The following PARD3B variants were observed in gnomAD, a reference collection of about 807,000 sequenced individuals.
PARD3B encodes partitioning defective 3 homolog B.
Under a neutral mutation model 130.2 loss-of-function variants are expected in PARD3B, and 103 were observed. The ratio of observed to expected loss-of-function variants is 0.79; its 90% CI spans 0.67 to 0.93. The LOEUF is 0.93. Ranked by LOEUF, PARD3B falls within the 40% of genes least tolerant of loss-of-function variation. The pLI, the probability that PARD3B is intolerant of heterozygous loss-of-function variation, is 0.00. For missense variants in PARD3B, 1,609 were observed against 1,499.2 expected, an observed-to-expected ratio of 1.07 and a Z score of -1.21; for synonymous variants, 583 against 553.2, an observed-to-expected ratio of 1.05 and a Z score of -0.76.
At chr2:204,875,491 G>C (rs1339109994) in intron 2 of PARD3B, among the ~76,000 whole-genome samples, 2 of 152,114 alleles carry the variant, frequency 1.3e-5, no homozygotes, top group Admixed American at 6.6e-5. Flanking sequence ...TGCAGATTCT[G>C]ATTAGGTGGG....
chr2:204,938,073 A>G (rs1001894440), intron 2 of PARD3B, among the ~76,000 whole-genome samples: 60 of 152,170 alleles, frequency 3.9e-4, no homozygotes, highest in African/African-American at 1.3e-3. Flanking sequence ...TGCCAGAGGG[A>G]GATGAAAACC....
Position 204,887,161 on chromosome 2 carries a change from A to G in PARD3B, c.223-77991A>G, listed in dbSNP as rs1294649228. ...GAAGTTATCTGTTCAATTGAGATGAATGGTAATGGGATTATATTACTGTAA... is the reference window on the plus strand; with the variant it reads ...GAAGTTATCTGTTCAATTGAGATGAGTGGTAATGGGATTATATTACTGTAA... On this transcript the variant is annotated intron_variant, in intron 2 of 22. Transcript: ENST00000406610. The surrounding 1 kb of genome is among the most constrained non-coding windows in gnomAD (Gnocchi z 4.2). Among the ~76,000 whole-genome samples, 2 of 152,156 alleles carry G rather than the reference A, an allele frequency of 1.3e-5. No individual in the cohort carries two copies. The highest frequency in any genetic ancestry group is 2.9e-5 in the Non-Finnish European group (2 of 68,042).
intron 19 of PARD3B, among the ~76,000 whole-genome samples, chr2:205,418,659 G>T (rs904171688): frequency 1.3e-5 from 2 of 152,068 alleles, no homozygotes; most frequent in Middle Eastern, 3.2e-3. Flanking sequence ...AATTAGAAGA[G>T]ACTTTAAAAA....
intron 1 of PARD3B, among the ~76,000 whole-genome samples, chr2:204,629,515 T>C (rs560306025): frequency 6.6e-6 from 1 of 152,304 alleles, no homozygotes; most frequent in Admixed American, 6.5e-5. Flanking sequence ...GAATTATCTA[T>C]CAGTAGATTT....
chr2:204,966,616 G>A (rs1343351799), intron 3 of PARD3B, among the ~76,000 whole-genome samples: 1 of 152,302 alleles, frequency 6.6e-6, no homozygotes, highest in South Asian at 2.1e-4. Flanking sequence ...CCGAACCTCA[G>A]AGTACTTCTG....
At chr2:205,582,700 G>A (rs891030937) in intron 22 of PARD3B, among the ~76,000 whole-genome samples, 6 of 151,162 alleles carry the variant, frequency 4.0e-5, no homozygotes, top group Non-Finnish European at 7.4e-5. Context: ...GTCTAGGGAA[G>A]AGTGAGAGAG....
At chr2:205,480,754 A>G (rs1274002232) in intron 20 of PARD3B, among the ~76,000 whole-genome samples, 1 of 152,194 alleles carries the variant, frequency 6.6e-6, no homozygotes, top group African/African-American at 2.4e-5. Flanking sequence ...TGGAAGGCAG[A>G]CATGGAGAAG....
intron 1 of PARD3B, among the ~76,000 whole-genome samples, chr2:204,583,713 C>T (rs2032692586): frequency 6.6e-6 from 1 of 151,762 alleles, no homozygotes; most frequent in African/African-American, 2.4e-5. Context: ...CGTGAGAATC[C>T]CCTCGGGTTA....
chr2:205,585,033 A>T lies in PARD3B; in HGVS notation c.3261-30423A>T, dbSNP rs1168107546. Among the ~76,000 whole-genome samples, 1 of 152,192 alleles carries T rather than the reference A, an allele frequency of 6.6e-6. No individual in the cohort carries two copies. The highest frequency in any genetic ancestry group is 1.5e-5 in the Non-Finnish European group (1 of 68,036). On this transcript the variant is annotated intron_variant, in intron 22 of 22. Coordinates refer to ENST00000406610, the MANE Select transcript of PARD3B (RefSeq NM_001302769.2). This position sits in a 1 kb window ranked among gnomAD's most constrained non-coding sequence, Gnocchi z 5.4. ...GTTTGACAGGCACCACTCATTGTGCACACCCGCTGATTATGGGCAGAAAAT... is the reference window on the plus strand; with the variant it reads ...GTTTGACAGGCACCACTCATTGTGCTCACCCGCTGATTATGGGCAGAAAAT...
intron 4 of PARD3B, among the ~76,000 whole-genome samples, chr2:205,099,660 C>T (rs1702618235): frequency 6.6e-6 from 1 of 152,174 alleles, no homozygotes; most frequent in Non-Finnish European, 1.5e-5. Context: ...AAGCACTGCA[C>T]AGCTACAGTG....
chr2:204,953,335 A>G (rs138785265), intron 2 of PARD3B, among the ~76,000 whole-genome samples: 340 of 152,036 alleles, frequency 2.2e-3, no homozygotes, highest in Middle Eastern at 6.8e-3. Flanking sequence ...GTTGCTCATA[A>G]GAAAAATAGT....
In PARD3B at chr2:204,907,234, C is replaced by T. The variant is rs531281937; in HGVS notation, c.223-57918C>T. 2.0e-5 allele frequency among the ~76,000 whole-genome samples: 3 copies of T among 152,236 alleles called. No homozygotes were observed. In the South Asian group the frequency reaches 6.2e-4, roughly 32 times the overall value. ...TGACCTTGTTATCCACCCACCTCGG[C>T]CTCCCAAAGTGCTGGGATTACCATG... On this transcript the variant is annotated intron_variant, in intron 2 of 22. Transcript: ENST00000406610. The surrounding 1 kb of genome is among the most constrained non-coding windows in gnomAD (Gnocchi z 5.7).
intron 22 of PARD3B, among the ~76,000 whole-genome samples, chr2:205,567,848 A>G (rs1345416808): frequency 6.6e-6 from 1 of 152,036 alleles, no homozygotes; most frequent in Non-Finnish European, 1.5e-5. Context: ...GAAAAGGAAG[A>G]AAGCCAGTAC....
At chr2:205,303,859 G>A (rs1004118574) in intron 18 of PARD3B, among the ~76,000 whole-genome samples, 1 of 152,098 alleles carries the variant, frequency 6.6e-6, no homozygotes, top group Non-Finnish European at 1.5e-5. Context: ...TTATTTTGTT[G>A]GGTGTTACAG....
Position 205,281,781 on chromosome 2 carries a change from A to G in PARD3B, c.2186-18749A>G, listed in dbSNP as rs955188709. On this transcript the variant is annotated intron_variant, in intron 16 of 22. Coordinates refer to ENST00000406610, the MANE Select transcript of PARD3B (RefSeq NM_001302769.2). The surrounding 1 kb of genome is among the most constrained non-coding windows in gnomAD (Gnocchi z 4.2). ...AACTCCTGGGCAGGTTGTCTACATT[A>G]AAAGTACCTGTTTTTCCATAAAAAA... 1.3e-5 allele frequency among the ~76,000 whole-genome samples: 2 copies of G among 152,230 alleles called. No homozygotes were observed. The highest frequency in any genetic ancestry group is 2.9e-5 in the Non-Finnish European group (2 of 68,038).
rs58674693 is a variant in PARD3B, at chr2:204,736,164, A to AT, written c.222+49894dup. On this transcript the variant is annotated intron_variant, in intron 2 of 22. Coordinates refer to ENST00000406610, the MANE Select transcript of PARD3B (RefSeq NM_001302769.2). ...ACAGGAGGAGAAATCTATGAGTACT[A>AT]TTTTTTTTTTTTGGTCAGAAACTAA... Among the ~76,000 whole-genome samples the AT allele has an allele frequency of 2.3e-3, 334 of 147,398 alleles. 2 individuals are homozygous for AT. The South Asian group carries it at 0.028, about 12-fold the overall frequency.
chr2:204,658,200 G>T (rs78962724), intron 1 of PARD3B, among the ~76,000 whole-genome samples: 7,247 of 151,950 alleles, frequency 0.048, 259 homozygotes, highest in East Asian at 0.13. Context: ...AAGACTAAAA[G>T]TTAAAAAAAA....
intron 1 of PARD3B, among the ~76,000 whole-genome samples, chr2:204,549,332 T>C (rs1485203693): frequency 6.6e-6 from 1 of 152,158 alleles, no homozygotes; most frequent in Non-Finnish European, 1.5e-5. Flanking sequence ...TCCAATTTAG[T>C]GAAGTTGTTA....
At chr2:205,435,661 C>T (rs1157760511) in intron 19 of PARD3B, among the ~76,000 whole-genome samples, 1 of 151,920 alleles carries the variant, frequency 6.6e-6, no homozygotes, top group East Asian at 1.9e-4. Flanking sequence ...TAGACAGTAA[C>T]TACTGATGCC....
Sources: allele counts gnomAD v4.1 joint callset (sites outside exome capture counted in the v4.1 genomes callset), GRCh38; gene constraint gnomAD v4.1.1; non-coding constraint Gnocchi (gnomAD v3.1); transcripts MANE v1.5; gene names NCBI Gene and HGNC (gene_info 2026-07-23, HGNC 2026-07-21).